Variants in CA12 observed in about 807,000 individuals in gnomAD.
The protein encoded by CA12 is carbonic anhydrase 12, also known as carbonate dehydratase XII.
CA12 carries 36 observed loss-of-function variants against 46.8 expected under a neutral mutation model. That is an observed-to-expected ratio of 0.77 (90% confidence interval 0.59 to 1.02). CA12 has a LOEUF of 1.02. Ranked by LOEUF, CA12 falls within the 50% of genes least tolerant of loss-of-function variation. The pLI is 0.00. For synonymous variants in CA12, 202 were observed against 187.0 expected (o/e 1.08, Z -0.65); for missense variants, 436 against 451.4 (o/e 0.97, Z 0.31).
intron 2 of CA12, among the ~76,000 whole-genome samples, chr15:63,365,370 C>T (rs995854449): frequency 3.3e-5 from 5 of 152,224 alleles, no homozygotes; most frequent in Admixed American, 2.0e-4. Flanking sequence ...ATAAAACGAG[C>T]ATCCACCAAT....
chr15:63,380,815 G>C (rs1245048338), intron 1 of CA12, among the ~76,000 whole-genome samples: 2 of 152,040 alleles, frequency 1.3e-5, no homozygotes, highest in Non-Finnish European at 2.9e-5. Context: ...AATCACTTTC[G>C]GTCCAAAATC....
chr15:63,336,338 C>A (rs2039003277), intron 8 of CA12, among the ~76,000 whole-genome samples: 1 of 152,248 alleles, frequency 6.6e-6, no homozygotes, highest in Non-Finnish European at 1.5e-5. Context: ...GGCTAATTAT[C>A]CCCAATGCCA....
chr15:63,354,056 G>T (rs1207178772), intron 2 of CA12, among the ~76,000 whole-genome samples: 2 of 152,204 alleles, frequency 1.3e-5, no homozygotes, highest in Admixed American at 1.3e-4. Context: ...TTCCTGCTGG[G>T]TAGGCGGAGA....
At chr15:63,361,057 A>C (rs1254477422) in intron 2 of CA12, among the ~76,000 whole-genome samples, 1 of 152,054 alleles carries the variant, frequency 6.6e-6, no homozygotes. Context: ...GAAAGCTAGC[A>C]TGGGGCCAGG....
At chr15:63,332,941 G>A (rs896432957) in intron 8 of CA12, among the ~76,000 whole-genome samples, 2 of 152,184 alleles carry the variant, frequency 1.3e-5, no homozygotes, top group African/African-American at 4.8e-5. Flanking sequence ...TGTATAATAT[G>A]TACGTATTGT....
rs2038903947 is a variant in CA12 at position 63,329,054 on chromosome 15, G to GGGAT, written c.875-928_875-925dup. On this transcript the variant is annotated intron_variant, in intron 8 of 10. Coordinates refer to ENST00000178638, the MANE Select transcript of CA12 (RefSeq NM_001218.5). The surrounding 1 kb of genome is among the most constrained non-coding windows in gnomAD (Gnocchi z 4.8). ...CAAAGAGGAAAGATGAAGAAAGGTAGGGATCAAAGCCTGCTTGGGCAGGCT... is the reference window on the plus strand; with the variant it reads ...CAAAGAGGAAAGATGAAGAAAGGTAGGGATGGATCAAAGCCTGCTTGGGCAGGCT... 6.6e-6 allele frequency among the ~76,000 whole-genome samples: 1 copy of GGGAT among 152,330 alleles called. No individual in the cohort carries two copies. The highest frequency in any genetic ancestry group is 2.1e-4 in the South Asian group (1 of 4,820).
intron 8 of CA12, among the ~76,000 whole-genome samples, chr15:63,335,809 C>T (rs1403384048): frequency 6.6e-6 from 1 of 152,140 alleles, no homozygotes; most frequent in South Asian, 2.1e-4. Flanking sequence ...AGTCTCACAC[C>T]GTAAACCTGA....
At chr15:63,366,335 A>T (rs912636178) in intron 2 of CA12, among the ~76,000 whole-genome samples, 1 of 152,074 alleles carries the variant, frequency 6.6e-6, no homozygotes, top group African/African-American at 2.4e-5. Context: ...GAGGCCCTCC[A>T]TCCCCTGCCC....
intron 2 of CA12, among the ~76,000 whole-genome samples, chr15:63,357,393 C>T (rs1036061902): frequency 7.2e-5 from 11 of 152,212 alleles, no homozygotes; most frequent in African/African-American, 2.7e-4. Flanking sequence ...AGCCCAGAGC[C>T]ATATTTCTCA....
chr15:63,352,166 C>T (rs1244305924), intron 2 of CA12, among the ~76,000 whole-genome samples: 1 of 152,220 alleles, frequency 6.6e-6, no homozygotes, highest in Non-Finnish European at 1.5e-5. Flanking sequence ...AGCAATTCTT[C>T]TGCCTCAGCC....
At chr15:63,363,732 G>T (rs575412653) in intron 2 of CA12, among the ~76,000 whole-genome samples, 1 of 152,350 alleles carries the variant, frequency 6.6e-6, no homozygotes, top group South Asian at 2.1e-4. Flanking sequence ...CAGTTATGTG[G>T]CAGGAAACAG....
chr15:63,369,065 C>T (rs957204087), intron 2 of CA12, among the ~76,000 whole-genome samples: 3 of 152,204 alleles, frequency 2.0e-5, no homozygotes, highest in African/African-American at 7.2e-5. Context: ...GGAGATGAGA[C>T]CTGACTTCAC....
chr15:63,341,921 G>T lies in CA12; in HGVS notation c.525+81C>A. Reference sequence around the variant, plus strand: ...ATACAGGAACAGCTGATTATCAACAGGTATGCATGGAACAAAAGGTGGAAT... The same window carrying T: ...ATACAGGAACAGCTGATTATCAACATGTATGCATGGAACAAAAGGTGGAAT... On this transcript the variant is annotated intron_variant, in intron 5 of 10. Coordinates refer to ENST00000178638, the MANE Select transcript of CA12 (RefSeq NM_001218.5). This position sits in a 1 kb window ranked among gnomAD's most constrained non-coding sequence, Gnocchi z 5.2. 1 of 931,938 alleles carries T rather than the reference G, an allele frequency of 1.1e-6. No individual in the cohort carries two copies. Among genetic ancestry groups the T allele is most frequent in the Non-Finnish European group, 1.7e-6 (1 of 572,052 alleles). 57.7% of individuals were successfully genotyped at this position (931,938 alleles called of 1,614,324 possible).
At chr15:63,364,508 G>A (rs890247830) in intron 2 of CA12, among the ~76,000 whole-genome samples, 2 of 152,072 alleles carry the variant, frequency 1.3e-5, no homozygotes, top group Non-Finnish European at 2.9e-5. Flanking sequence ...ATGCAGCTGG[G>A]AGTATGTGTG....
At chr15:63,347,911 T>C (rs1317696062) in intron 2 of CA12, among the ~76,000 whole-genome samples, 28 of 152,196 alleles carry the variant, frequency 1.8e-4, no homozygotes, top group Non-Finnish European at 1.5e-5. Flanking sequence ...CCACCTCTTC[T>C]GGGAATTCTT....
At chr15:63,351,420 G>A (rs758220695) in intron 2 of CA12, among the ~76,000 whole-genome samples, 16 of 152,070 alleles carry the variant, frequency 1.1e-4, no homozygotes, top group Admixed American at 2.6e-4. Flanking sequence ...CCACCCATCC[G>A]TACACTCCCT....
rs1039912171 is a variant in CA12, at chr15:63,348,742, C to A, written c.107-2033G>T. Reference sequence around the variant, plus strand: ...AAGGTTTCATCAAGAGGGCATTTTACTGATAGCTAAACGAGAGCCTCGTGA... The same window carrying A: ...AAGGTTTCATCAAGAGGGCATTTTAATGATAGCTAAACGAGAGCCTCGTGA... On this transcript the variant is annotated intron_variant, in intron 2 of 10. Transcript: ENST00000178638. This position sits in a 1 kb window ranked among gnomAD's most constrained non-coding sequence, Gnocchi z 4.6. 6.6e-6 allele frequency among the ~76,000 whole-genome samples: 1 copy of A among 152,228 alleles called. No homozygotes were observed. The highest frequency in any genetic ancestry group is 2.4e-5 in the African/African-American group (1 of 41,456).
At chr15:63,368,717 G>T (rs957441515) in intron 2 of CA12, among the ~76,000 whole-genome samples, 1 of 152,198 alleles carries the variant, frequency 6.6e-6, no homozygotes, top group Non-Finnish European at 1.5e-5. Context: ...ACAGCCAGAG[G>T]CCTGAAAGGC....
Position 63,340,365 on chromosome 15 carries a change from A to AC in CA12, c.669dup (p.Ser224ValfsTer59), listed in dbSNP as rs749281565. 4.3e-6 allele frequency: 7 copies of AC among 1,613,834 alleles called. No homozygotes were observed. The highest frequency in any genetic ancestry group is 3.3e-5 in the South Asian group (3 of 91,054). On this transcript the variant is annotated frameshift_variant, in exon 7 of 11. Transcript: ENST00000178638. LOFTEE classifies it high-confidence loss of function. The surrounding 1 kb of genome is among the most constrained non-coding windows in gnomAD (Gnocchi z 4.4). The stretch of plus-strand genomic sequence containing the variant: ...GGGTTGCAAGGGGGTGTGGTCAGGG[A>AC]CCCCCGGTAGCGGTAATATTCAGCG...
Sources: gnomAD v4.1 joint callset for allele counts (sites outside exome capture counted in the v4.1 genomes callset) on GRCh38, gnomAD v4.1.1 for gene constraint, Gnocchi (gnomAD v3.1) non-coding constraint, MANE v1.5 for transcripts, NCBI Gene and HGNC (gene_info 2026-07-23, HGNC 2026-07-21) for gene names.